Variants in ARHGAP20 observed in about 807,000 individuals in gnomAD.
ARHGAP20 encodes rho GTPase-activating protein 20.
In ARHGAP20, 34 loss-of-function variants were observed where a neutral mutation model predicts 73.7. The ratio of observed to expected loss-of-function variants is 0.46; its 90% CI spans 0.35 to 0.61. The LOEUF is 0.61. Among genes scored for constraint, ARHGAP20 ranks in the 20% least tolerant of loss-of-function variants. ARHGAP20 has a pLI of 0.00. For synonymous variants in ARHGAP20, 523 were observed against 518.2 expected (o/e 1.01, Z -0.13); for missense variants, 1,314 against 1,420.9 (o/e 0.92, Z 1.21).
At position 110,614,560 on chromosome 11, in the gene ARHGAP20, C is replaced by T. The variant is rs1449319024; in HGVS notation, c.630+1G>A. The T allele has an allele frequency of 3.7e-6, 6 of 1,611,314 alleles. No individual in the cohort carries two copies. Among genetic ancestry groups the T allele is most frequent in the South Asian group, 1.1e-5 (1 of 90,904 alleles). On this transcript the variant is annotated splice_donor_variant, in intron 6 of 14. Coordinates refer to ENST00000683387, the MANE Select transcript of ARHGAP20 (RefSeq NM_001384657.1). LOFTEE classifies it high-confidence loss of function. ...TAATTTTCTGGCTTAGAAACACTTA[C>T]GTAGGCACAATTCCCAATGTCCTTG...
chr11:110,579,196 A>G lies in ARHGAP20; in HGVS notation c.*174T>C. ...ACTTAGGTGACAAAATTTTTAGCATAAAGTATTTGTCAAGTAGTCTCAATA... is the reference window on the plus strand; with the variant it reads ...ACTTAGGTGACAAAATTTTTAGCATGAAGTATTTGTCAAGTAGTCTCAATA... On this transcript the variant is annotated 3_prime_UTR_variant, in exon 15 of 15. Coordinates refer to ENST00000683387, the MANE Select transcript of ARHGAP20 (RefSeq NM_001384657.1). 4 of 1,299,666 alleles carry G rather than the reference A, an allele frequency of 3.1e-6. No homozygotes were observed. Among genetic ancestry groups the G allele is most frequent in the Non-Finnish European group, 3.9e-6 (4 of 1,022,014 alleles). 80.5% of individuals were successfully genotyped at this position (1,299,666 alleles called of 1,614,324 possible).
chr11:110,588,872 C>G (rs538124305), intron 11 of ARHGAP20, among the ~76,000 whole-genome samples: 12 of 152,104 alleles, frequency 7.9e-5, no homozygotes, highest in African/African-American at 2.9e-4. Flanking sequence ...GAGATCGAGA[C>G]CATCCTGGCT....
chr11:110,625,949 T>C (rs1948735265), intron 3 of ARHGAP20, among the ~76,000 whole-genome samples: 1 of 152,192 alleles, frequency 6.6e-6, no homozygotes, highest in South Asian at 2.1e-4. Flanking sequence ...ATTCATAAGA[T>C]GAAAAAGGAT....
chr11:110,641,421 T>C (rs1455181600), intron 2 of ARHGAP20, among the ~76,000 whole-genome samples: 5 of 152,052 alleles, frequency 3.3e-5, no homozygotes, highest in Non-Finnish European at 7.4e-5. Flanking sequence ...AGGCACTTGA[T>C]AAAACATTAT....
At position 110,580,418 on chromosome 11, in the gene ARHGAP20, C is replaced by T. The variant is rs373621632; in HGVS notation, c.2528G>A (p.Arg843Gln). 1.3e-5 allele frequency: 21 copies of T among 1,614,040 alleles called. No homozygotes were observed. The African/African-American group carries it at 1.6e-4, about 12-fold the overall frequency. ...ADALKGPRTH[R>Q]RCSEPNIEDQ... Reference sequence around the variant, plus strand: ...TTCTATGTTGGGCTCTGAGCAGCGCCGATGTGTCCTTGGACCCTTGAGGGC... The same window carrying T: ...TTCTATGTTGGGCTCTGAGCAGCGCTGATGTGTCCTTGGACCCTTGAGGGC... The change falls in exon 15 of 15, where the codon CGG becomes CAG. Residue 843 changes from arginine (R) to glutamine (Q), a missense_variant. Arg to Gln is a conservative substitution (Grantham distance 43). Transcript: ENST00000683387.
At chr11:110,705,841 T>C (rs951405468) in intron 1 of ARHGAP20, among the ~76,000 whole-genome samples, 4 of 152,172 alleles carry the variant, frequency 2.6e-5, no homozygotes, top group South Asian at 2.1e-4. Flanking sequence ...TGAGTTTGTC[T>C]GGAGAATACG....
At chr11:110,589,004 G>A (rs1345802537) in intron 11 of ARHGAP20, among the ~76,000 whole-genome samples, 1 of 151,994 alleles carries the variant, frequency 6.6e-6, no homozygotes, top group Non-Finnish European at 1.5e-5. Context: ...CCCAGGAGGT[G>A]GAGCTTGCAG....
rs1947311803 is a variant in ARHGAP20 at position 110,577,333 on chromosome 11, A to C, written c.*2037T>G. The C allele has an allele frequency of 8.0e-7, 1 of 1,255,940 alleles. No individual in the cohort carries two copies. The highest frequency in any genetic ancestry group is 3.1e-5 in the South Asian group (1 of 32,390). 77.8% of individuals were successfully genotyped at this position (1,255,940 alleles called of 1,614,324 possible). On this transcript the variant is annotated 3_prime_UTR_variant, in exon 15 of 15. Coordinates refer to ENST00000683387, the MANE Select transcript of ARHGAP20 (RefSeq NM_001384657.1). ...TCATACAATATAATACTTTACAGCA[A>C]TATTAACAAACTATTCACATTAAGA...
chr11:110,605,217 A>C (rs1948196422), intron 9 of ARHGAP20, among the ~76,000 whole-genome samples: 1 of 152,166 alleles, frequency 6.6e-6, no homozygotes, highest in African/African-American at 2.4e-5. Flanking sequence ...AAAGTGGTAG[A>C]GTTTAGTAGG....
intron 9 of ARHGAP20, among the ~76,000 whole-genome samples, chr11:110,599,270 C>T (rs530144030): frequency 6.6e-6 from 1 of 152,248 alleles, no homozygotes; most frequent in Non-Finnish European, 1.5e-5. Context: ...TGGCTTCTCC[C>T]TGCTGTCGGC....
chr11:110,580,092 A>G lies in ARHGAP20; in HGVS notation c.2854T>C (p.Ser952Pro). ...GTSPSGSSVS[S>P]QDSAFSQISE... ...ATCTGAGAAAAAGCACTGTCTTGGGAGCTTACTGATGAGCCGGATGGGGAA... is the reference window on the plus strand; with the variant it reads ...ATCTGAGAAAAAGCACTGTCTTGGGGGCTTACTGATGAGCCGGATGGGGAA... The change falls in exon 15 of 15, where the codon TCC (serine) becomes CCC (proline). Residue 952 changes from serine (S) to proline (P), a missense_variant. By Grantham distance (74) the Ser-to-Pro change is moderately conservative. This residue lies in a region of ARHGAP20 where 641 missense variants were observed against 636.9 expected (regional missense o/e 1.01). Coordinates refer to ENST00000683387, the MANE Select transcript of ARHGAP20 (RefSeq NM_001384657.1). The G allele has an allele frequency of 6.2e-7, 1 of 1,614,178 alleles. No individual in the cohort carries two copies. The highest frequency in any genetic ancestry group is 1.7e-5 in the Admixed American group (1 of 60,028).
intron 2 of ARHGAP20, among the ~76,000 whole-genome samples, chr11:110,678,329 A>C (rs1949973119): frequency 6.6e-6 from 1 of 152,232 alleles, no homozygotes. Flanking sequence ...AAAACCACTG[A>C]AGTGTACACT....
chr11:110,622,525 A>G (rs904092348), intron 4 of ARHGAP20, among the ~76,000 whole-genome samples: 1 of 152,206 alleles, frequency 6.6e-6, no homozygotes, highest in African/African-American at 2.4e-5. Flanking sequence ...CTCTTGACTT[A>G]TTTCAGATTT....
chr11:110,707,047 A>G (rs1950563295), intron 1 of ARHGAP20, among the ~76,000 whole-genome samples: 2 of 152,174 alleles, frequency 1.3e-5, no homozygotes, highest in Non-Finnish European at 2.9e-5. Flanking sequence ...ATGAGGTGTT[A>G]TAAACAGATT....
In ARHGAP20 at chr11:110,710,493, C is replaced by A. The variant is rs373588301; in HGVS notation, c.105+1634G>T. Reference sequence around the variant, plus strand: ...GAAAAATAAATCTTTGATTTTCTTCCAATTCCTTACGTTTACAAAAATAAA... The same window carrying A: ...GAAAAATAAATCTTTGATTTTCTTCAAATTCCTTACGTTTACAAAAATAAA... On this transcript the variant is annotated intron_variant, in intron 1 of 14. Transcript: ENST00000683387. 2.0e-5 allele frequency among the ~76,000 whole-genome samples: 3 copies of A among 151,868 alleles called. No individual in the cohort carries two copies. In the South Asian group the frequency reaches 6.3e-4, roughly 32 times the overall value.
At chr11:110,639,880 T>G (rs1046976197) in intron 2 of ARHGAP20, among the ~76,000 whole-genome samples, 1 of 152,074 alleles carries the variant, frequency 6.6e-6, no homozygotes, top group South Asian at 2.1e-4. Context: ...CTATTGTGAA[T>G]AGTGCTAAGA....
In ARHGAP20 at chr11:110,582,305, C is replaced by A; in HGVS notation, c.1720+16G>T. On this transcript the variant is annotated intron_variant, in intron 14 of 14. Transcript: ENST00000683387. ...TGTCTGTTTCTCACAAAAACCAATC[C>A]AATTATTCACAATACCTGAGGCATT... The A allele has an allele frequency of 3.8e-6, 6 of 1,569,880 alleles. No homozygotes were observed. Among genetic ancestry groups the A allele is most frequent in the Non-Finnish European group, 5.3e-6 (6 of 1,140,236 alleles).
At chr11:110,621,370 T>C (rs756750034) in intron 4 of ARHGAP20, among the ~76,000 whole-genome samples, 3 of 152,144 alleles carry the variant, frequency 2.0e-5, no homozygotes, top group Non-Finnish European at 4.4e-5. Context: ...CTCCTCTTTC[T>C]GTAATTCCAG....
At position 110,577,914 on chromosome 11, in the gene ARHGAP20, A is replaced by C; in HGVS notation, c.*1456T>G. The C allele has an allele frequency of 1.0e-6, 1 of 985,764 alleles. No individual in the cohort carries two copies. Among genetic ancestry groups the C allele is most frequent in the Non-Finnish European group, 1.2e-6 (1 of 829,852 alleles). 61.1% of individuals were successfully genotyped at this position (985,764 alleles called of 1,614,324 possible). ...CATTTGATATGACCATTTTCTGGTGATTAATAAGACAAATAATTTGGAATA... is the reference window on the plus strand; with the variant it reads ...CATTTGATATGACCATTTTCTGGTGCTTAATAAGACAAATAATTTGGAATA... On this transcript the variant is annotated 3_prime_UTR_variant, in exon 15 of 15. Transcript: ENST00000683387.
Sources: gnomAD v4.1 joint callset for allele counts (sites outside exome capture counted in the v4.1 genomes callset) on GRCh38, gnomAD v4.1.1 for gene constraint, gnomAD v4.1.1 regional missense constraint, MANE v1.5 for transcripts, NCBI Gene and HGNC (gene_info 2026-07-23, HGNC 2026-07-21) for gene names.